NRXN3: variants seen among roughly 807,000 people sequenced by gnomAD.
NRXN3 encodes the protein neurexin 3.
A neutral mutation model predicts 137.6 loss-of-function variants in NRXN3; 32 were observed. The observed-to-expected ratio is 0.23, with a 90% CI of 0.18 to 0.31. The LOEUF (loss-of-function observed/expected upper bound fraction) is 0.31, where lower values mean the gene tolerates loss of function less well. Among genes scored for constraint, NRXN3 ranks in the 10% least tolerant of loss-of-function variants. The pLI, the probability that NRXN3 is intolerant of heterozygous loss-of-function variation, is 1.00. For missense variants in NRXN3, 1,574 were observed against 2,062.5 expected, an observed-to-expected ratio of 0.76 and a Z score of 4.59; for synonymous variants, 798 against 784.5, an observed-to-expected ratio of 1.02 and a Z score of -0.29.
intron 15 of NRXN3, among the ~76,000 whole-genome samples, chr14:79,381,900 G>A (rs1366793747): frequency 6.6e-6 from 1 of 152,090 alleles, no homozygotes; most frequent in Non-Finnish European, 1.5e-5. Context: ...CAACTTATGT[G>A]CCCATATTTC....
rs75012397 is a variant in NRXN3 at position 78,508,922 on chromosome 14, C to A, written c.758-136198C>A. ...GTCAGACTGATTCATAGAGCATGAG[C>A]AATATTTTGTATTCAGTACTATAAT... On this transcript the variant is annotated intron_variant, in intron 4 of 20. Coordinates refer to ENST00000335750, the MANE Select transcript of NRXN3 (RefSeq NM_001330195.2). Among the ~76,000 whole-genome samples, 477 of 152,264 alleles carry A rather than the reference C, an allele frequency of 3.1e-3. 2 individuals carry two copies. Among genetic ancestry groups the A allele is most frequent in the African/African-American group, 0.011 (440 of 41,560 alleles).
chr14:79,053,173 A>G (rs2152576449), intron 15 of NRXN3, among the ~76,000 whole-genome samples: 1 of 152,348 alleles, frequency 6.6e-6, no homozygotes, highest in Admixed American at 6.5e-5. Context: ...TGTGGATAGG[A>G]AATTAAAGCA....
intron 15 of NRXN3, among the ~76,000 whole-genome samples, chr14:79,073,790 A>G (rs1042919900): frequency 4.6e-5 from 7 of 152,126 alleles, no homozygotes; most frequent in African/African-American, 1.7e-4. Context: ...GTCTTTTGTA[A>G]AGTAGCATAC....
intron 10 of NRXN3, among the ~76,000 whole-genome samples, chr14:78,854,003 G>A (rs564446570): frequency 8.5e-5 from 13 of 152,288 alleles, no homozygotes; most frequent in Middle Eastern, 3.4e-3. Flanking sequence ...TTGCTCAGCC[G>A]TAGATTCCTT....
Position 78,645,347 on chromosome 14 carries a change from A to G in NRXN3, c.985A>G (p.Ile329Val). 3.1e-6 allele frequency: 5 copies of G among 1,598,410 alleles called. No individual in the cohort carries two copies. In the South Asian group the frequency reaches 3.3e-5, roughly 11 times the overall value. ...INLGSGAFEA[I>V]VEPVNGKFND... ...CCTGGGGTCCGGGGCCTTTGAGGCCATTGTGGAGCCAGTGAATGGAAAATT... is the reference window on the plus strand; with the variant it reads ...CCTGGGGTCCGGGGCCTTTGAGGCCGTTGTGGAGCCAGTGAATGGAAAATT... The change falls in exon 5 of 21, where the codon ATT becomes GTT. Residue 329 changes from isoleucine to valine, a missense_variant. Physicochemically the swap from Ile to Val is conservative, Grantham distance 29. Around this residue, in one of 5 missense-constraint regions of NRXN3, gnomAD observed 400 missense variants for 527.3 expected, o/e 0.76. Transcript: ENST00000335750.
intron 1 of NRXN3, among the ~76,000 whole-genome samples, chr14:78,183,703 G>C (rs972054225): frequency 6.6e-6 from 1 of 152,200 alleles, no homozygotes; most frequent in South Asian, 2.1e-4. Context: ...TGAAGGGCTG[G>C]TTCTGGCAAG....
At chr14:79,826,780 A>G (rs1424265880) in intron 20 of NRXN3, among the ~76,000 whole-genome samples, 2 of 152,198 alleles carry the variant, frequency 1.3e-5, no homozygotes, top group African/African-American at 4.8e-5. Flanking sequence ...CTTTTGAAGC[A>G]TCTTCCTGAT....
intron 19 of NRXN3, among the ~76,000 whole-genome samples, chr14:79,736,849 C>T (rs1009262349): frequency 2.2e-4 from 34 of 152,266 alleles, no homozygotes; most frequent in Admixed American, 9.2e-4. Flanking sequence ...TTTTCTCCAA[C>T]AGATGTGTAT....
chr14:78,301,277 A>C (rs113630871), intron 4 of NRXN3, among the ~76,000 whole-genome samples: 1 of 152,194 alleles, frequency 6.6e-6, no homozygotes, highest in Middle Eastern at 3.2e-3. Context: ...GTGAAAGAAC[A>C]CAGGAATGAA....
chr14:79,542,634 T>C (rs2097284499), intron 16 of NRXN3, among the ~76,000 whole-genome samples: 1 of 152,190 alleles, frequency 6.6e-6, no homozygotes, highest in African/African-American at 2.4e-5. Context: ...GTCCTCTTTT[T>C]AAGCTTTCTC....
chr14:78,405,967 C>T (rs183692221), intron 4 of NRXN3, among the ~76,000 whole-genome samples: 43 of 152,118 alleles, frequency 2.8e-4, no homozygotes, highest in Admixed American at 9.2e-4. Flanking sequence ...ATGAGGAAAC[C>T]GAGACTCACA....
intron 15 of NRXN3, among the ~76,000 whole-genome samples, chr14:79,147,698 C>T (rs377114819): frequency 1.3e-5 from 2 of 152,080 alleles, no homozygotes; most frequent in African/African-American, 4.8e-5. Context: ...TTCTCATTGT[C>T]CATATTCAGG....
At chr14:79,218,203 ATTCCT>A (rs910140663) in intron 15 of NRXN3, among the ~76,000 whole-genome samples, 4 of 152,316 alleles carry the variant, frequency 2.6e-5, no homozygotes, top group African/African-American at 9.6e-5. Flanking sequence ...CGTTTGAAAC[ATTCCT>A]TTGTATAAAC....
chr14:78,576,476 G>GA (rs1363894913), intron 4 of NRXN3, among the ~76,000 whole-genome samples: 1 of 152,194 alleles, frequency 6.6e-6, no homozygotes, highest in Admixed American at 6.5e-5. Flanking sequence ...ACTACCCAGA[G>GA]AAAACTACTA....
intron 15 of NRXN3, among the ~76,000 whole-genome samples, chr14:79,369,128 C>T (rs1043637457): frequency 7.2e-5 from 11 of 152,018 alleles, no homozygotes; most frequent in South Asian, 2.1e-4. Flanking sequence ...ATAGTGATGA[C>T]GAGCAGTGTG....
intron 3 of NRXN3, among the ~76,000 whole-genome samples, chr14:78,294,593 T>C (rs186841010): frequency 5.9e-4 from 90 of 151,302 alleles, no homozygotes; most frequent in African/African-American, 2.0e-3. Flanking sequence ...AAAGCTCCTA[T>C]GTGTAGGCAC....
chr14:78,285,715 C>A (rs999018928), intron 3 of NRXN3, among the ~76,000 whole-genome samples: 2 of 152,206 alleles, frequency 1.3e-5, no homozygotes, highest in African/African-American at 2.4e-5. Flanking sequence ...TATCCCACAT[C>A]CTGCTGAAAG....
At chr14:78,930,103 C>T (rs554304788) in intron 10 of NRXN3, among the ~76,000 whole-genome samples, 1 of 152,132 alleles carries the variant, frequency 6.6e-6, no homozygotes, top group East Asian at 1.9e-4. Context: ...TTTTTTTATA[C>T]CTGTTTAAAC....
At chr14:79,764,244 T>A (rs550830628) in intron 19 of NRXN3, among the ~76,000 whole-genome samples, 94 of 152,210 alleles carry the variant, frequency 6.2e-4, no homozygotes, top group South Asian at 6.2e-4. Flanking sequence ...TTCAACCTTA[T>A]TTCTTTAGTA....
Sources: gnomAD v4.1 joint callset for allele counts (sites outside exome capture counted in the v4.1 genomes callset) on GRCh38, gnomAD v4.1.1 for gene constraint, gnomAD v4.1.1 regional missense constraint, MANE v1.5 for transcripts, NCBI Gene and HGNC (gene_info 2026-07-23, HGNC 2026-07-21) for gene names.